The following ADA variants were observed in gnomAD, a reference collection of about 807,000 sequenced individuals.
ADA encodes the protein adenosine deaminase, also known as adenosine aminohydrolase.
Under a neutral mutation model 49.0 loss-of-function variants are expected in ADA, and 45 were observed. The observed-to-expected ratio is 0.92, with a 90% CI of 0.72 to 1.18. ADA has a LOEUF of 1.18. Ranked by LOEUF, ADA falls within the 50% of genes most tolerant of loss-of-function variation. The pLI, the probability that ADA is intolerant of heterozygous loss-of-function variation, is 0.00. For synonymous variants in ADA, 173 were observed against 184.2 expected, an observed-to-expected ratio of 0.94 and a Z score of 0.49; for missense variants, 445 against 472.5, an observed-to-expected ratio of 0.94 and a Z score of 0.54.
intron 2 of ADA, among the ~76,000 whole-genome samples, chr20:44,634,941 A>G (rs924932120): frequency 6.6e-6 from 1 of 152,204 alleles, no homozygotes; most frequent in Non-Finnish European, 1.5e-5. Context: ...AAACAAAATG[A>G]GTGTTGTGCA....
In ADA at chr20:44,636,297, G is replaced by T; in HGVS notation, c.34-9C>A. On this transcript the variant is annotated splice_polypyrimidine_tract_variant and intron_variant, in intron 1 of 11. Coordinates refer to ENST00000372874, the MANE Select transcript of ADA (RefSeq NM_000022.4). ...TGGACATGCAGTTCCACCTGCAAGG[G>T]GGCAGGGGGAAGAGAGAGAGAAAGG... 2 of 1,597,646 alleles carry T rather than the reference G, an allele frequency of 1.3e-6. No homozygotes were observed. The highest frequency in any genetic ancestry group is 2.2e-5 in the East Asian group (1 of 44,680).
intron 2 of ADA, among the ~76,000 whole-genome samples, chr20:44,631,720 A>G (rs1429713096): frequency 2.6e-5 from 4 of 152,042 alleles, no homozygotes; most frequent in African/African-American, 9.7e-5. Flanking sequence ...GGCCAGGCCA[A>G]CTCATCTCCT....
intron 1 of ADA, among the ~76,000 whole-genome samples, chr20:44,637,480 G>A (rs2065491248): frequency 6.6e-6 from 1 of 152,188 alleles, no homozygotes; most frequent in East Asian, 1.9e-4. Flanking sequence ...AAGGGACTTT[G>A]CTGTTCCTGC....
At chr20:44,626,175 G>A in intron 4 of ADA, 1 of 539,062 alleles carries the variant, frequency 1.9e-6, no homozygotes. Context: ...AGAAATCCTG[G>A]GTGGCTAAGC....
intron 2 of ADA, among the ~76,000 whole-genome samples, chr20:44,635,220 G>T (rs1427008086): frequency 2.0e-5 from 3 of 152,180 alleles, no homozygotes; most frequent in Non-Finnish European, 2.9e-5. Context: ...GGAACAGGGG[G>T]ACCCTCTGGC....
rs1046327488 is a variant in ADA at position 44,648,629 on chromosome 20, C to T, written c.33+2946G>A. Among the ~76,000 whole-genome samples, 7 of 152,144 alleles carry T rather than the reference C, an allele frequency of 4.6e-5. No individual in the cohort carries two copies. The South Asian group carries it at 1.0e-3, about 23-fold the overall frequency. On this transcript the variant is annotated intron_variant, in intron 1 of 11. Transcript: ENST00000372874. ...CTGGACTCTCTTCCCTGTGTCTAAG[C>T]CCCCAGTAAAACCCCGTATCTTGTT...
intron 1 of ADA, among the ~76,000 whole-genome samples, chr20:44,651,020 C>T (rs1235381190): frequency 2.6e-5 from 4 of 152,344 alleles, no homozygotes; most frequent in East Asian, 3.9e-4. Context: ...GCCTACCTAG[C>T]TCCTGTTCTT....
chr20:44,647,789 C>T (rs1289380272), intron 1 of ADA, among the ~76,000 whole-genome samples: 13 of 151,516 alleles, frequency 8.6e-5, no homozygotes, highest in East Asian at 5.8e-4. Context: ...TGGTGGTGGA[C>T]GCCTGTAATC....
chr20:44,636,440 C>T (rs1600936866), intron 1 of ADA, 152 bp from the exon 2 acceptor site: 6 of 687,084 alleles, frequency 8.7e-6, no homozygotes, highest in Admixed American at 4.2e-5. Flanking sequence ...CCATATACTT[C>T]GGTAAACTCT....
chr20:44,633,566 T>G (rs1356708213), intron 2 of ADA, among the ~76,000 whole-genome samples: 1 of 152,098 alleles, frequency 6.6e-6, no homozygotes, highest in Non-Finnish European at 1.5e-5. Context: ...GTTAAGGCTC[T>G]TGCTCCAACT....
In ADA at chr20:44,648,645, G is replaced by A. The variant is rs894558376; in HGVS notation, c.33+2930C>T. ...GTGTCTAAGCCCCCAGTAAAACCCC[G>A]TATCTTGTTTGCTACCTCTTCCAAA... On this transcript the variant is annotated intron_variant, in intron 1 of 11. Coordinates refer to ENST00000372874, the MANE Select transcript of ADA (RefSeq NM_000022.4). 5.3e-5 allele frequency among the ~76,000 whole-genome samples: 8 copies of A among 152,122 alleles called. No individual in the cohort carries two copies. The East Asian group carries it at 5.8e-4, about 11-fold the overall frequency.
intron 2 of ADA, among the ~76,000 whole-genome samples, chr20:44,635,778 A>G (rs2065474034): frequency 6.6e-6 from 1 of 152,086 alleles, no homozygotes. Flanking sequence ...TGTGCTTGTA[A>G]TCCCAGCTAC....
At position 44,620,745 on chromosome 20, in the gene ADA, A is replaced by T. The variant is rs2065322440; in HGVS notation, c.975+273T>A. On this transcript the variant is annotated intron_variant, in intron 10 of 11. Coordinates refer to ENST00000372874, the MANE Select transcript of ADA (RefSeq NM_000022.4). ...CTGAAGAGAGTGTGCAAGACTTCAT[A>T]GCTGCTGCACACACCTTTCTGGGGA... 8.8e-6 allele frequency: 5 copies of T among 567,874 alleles called. No homozygotes were observed. In the Admixed American group the frequency reaches 1.5e-4, roughly 17 times the overall value. 35.2% of individuals were successfully genotyped at this position (567,874 alleles called of 1,614,324 possible).
chr20:44,640,489 G>A (rs924460303), intron 1 of ADA, among the ~76,000 whole-genome samples: 4 of 151,700 alleles, frequency 2.6e-5, no homozygotes, highest in Non-Finnish European at 4.4e-5. Context: ...CCAACATGGT[G>A]AAACCCCATG....
At chr20:44,639,484 C>T (rs138744083) in intron 1 of ADA, among the ~76,000 whole-genome samples, 2,022 of 152,244 alleles carry the variant, frequency 0.013, 42 homozygotes, top group African/African-American at 0.045. Flanking sequence ...TCCAGCTCAG[C>T]TCACGGAAAC....
intron 11 of ADA, 130 bp downstream of exon 11, chr20:44,620,169 A>C (rs1366785183): frequency 1.1e-6 from 1 of 899,484 alleles, no homozygotes; most frequent in African/African-American, 1.6e-5. Context: ...GCCAGGGCCC[A>C]GAAACCAGGG....
In ADA at chr20:44,621,061, G is replaced by A. The variant is rs773914135; in HGVS notation, c.932C>T (p.Thr311Ile). The A allele has an allele frequency of 5.2e-5, 84 of 1,614,068 alleles. No homozygotes were observed. In the Middle Eastern group the frequency reaches 1.3e-3, roughly 25 times the overall value. ...KSTLDTDYQM[T>I]KRDMGFTEEE... is the part of the protein sequence containing the mutation. ...TTCAGTAAAGCCCATGTCCCGTTTG[G>A]TCATCTGGTAATCAGTGTCCAGGGT... Residue 311 changes from threonine (T) to isoleucine (I), a missense_variant, in exon 10 of 12, where the codon ACC (threonine) becomes ATC (isoleucine). By Grantham distance (89) the Thr-to-Ile change is moderately conservative. Coordinates refer to ENST00000372874, the MANE Select transcript of ADA (RefSeq NM_000022.4).
At chr20:44,624,854 G>A (rs762137658) in intron 5 of ADA, among the ~76,000 whole-genome samples, 15 of 152,212 alleles carry the variant, frequency 9.9e-5, no homozygotes, top group Non-Finnish European at 1.8e-4. Flanking sequence ...AGATGTCCCC[G>A]GATACAAATC....
intron 1 of ADA, among the ~76,000 whole-genome samples, chr20:44,640,925 C>T (rs532474342): frequency 6.6e-6 from 1 of 151,998 alleles, no homozygotes; most frequent in South Asian, 2.1e-4. Context: ...GGAATGGATT[C>T]CCCCGAGAGC....
Sources: allele counts gnomAD v4.1 joint callset (sites outside exome capture counted in the v4.1 genomes callset), GRCh38; gene constraint gnomAD v4.1.1; transcripts MANE v1.5; gene names NCBI Gene and HGNC (gene_info 2026-07-23, HGNC 2026-07-21).